The following TACR3 variants were observed in gnomAD, a reference collection of about 807,000 sequenced individuals.
The protein encoded by TACR3 is tachykinin receptor 3, also known as neuromedin-K receptor.
Under a neutral mutation model 35.0 loss-of-function variants are expected in TACR3, and 34 were observed. That is an observed-to-expected ratio of 0.97 (90% confidence interval 0.74 to 1.30). TACR3 has a LOEUF of 1.30. Ranked by LOEUF, TACR3 falls within the 50% of genes most tolerant of loss-of-function variation. The pLI is 0.00. For missense variants in TACR3, 558 were observed against 591.7 expected, an observed-to-expected ratio of 0.94 and a Z score of 0.59; for synonymous variants, 233 against 221.1, an observed-to-expected ratio of 1.05 and a Z score of -0.48.
chr4:103,700,385 A>G (rs1722622770), intron 1 of TACR3, among the ~76,000 whole-genome samples: 1 of 152,166 alleles, frequency 6.6e-6, no homozygotes, highest in South Asian at 2.1e-4. Context: ...ATAATTTTAA[A>G]TAGTCTTGAT....
intron 1 of TACR3, among the ~76,000 whole-genome samples, chr4:103,712,905 C>G (rs2110232188): frequency 6.6e-6 from 1 of 152,274 alleles, no homozygotes; most frequent in African/African-American, 2.4e-5. Flanking sequence ...CAGAGAAATG[C>G]AAATCAAAAC....
At chr4:103,627,045 G>A (rs894934894) in intron 3 of TACR3, among the ~76,000 whole-genome samples, 2 of 151,020 alleles carry the variant, frequency 1.3e-5, no homozygotes, top group Non-Finnish European at 3.0e-5. Context: ...AGCTGGGCGT[G>A]GTGGCAGGCA....
At chr4:103,605,086 CT>C (rs368066887) in intron 3 of TACR3, among the ~76,000 whole-genome samples, 4,411 of 148,918 alleles carry the variant, frequency 0.03, 195 homozygotes, top group African/African-American at 0.1. Context: ...TGGTGTTTGG[CT>C]TTTTTTTGCG....
Position 103,600,843 on chromosome 4 carries a change from G to C in TACR3, c.889-9160C>G, listed in dbSNP as rs1006772092. On this transcript the variant is annotated intron_variant, in intron 3 of 4. Transcript: ENST00000304883. ...TGAGAGACAGTTTGTTATAATTTCT[G>C]TTCTTTTACATTTGCTGAGGAGTGC... Among the ~76,000 whole-genome samples, 4 of 152,200 alleles carry C rather than the reference G, an allele frequency of 2.6e-5. No individual in the cohort carries two copies. The East Asian group carries it at 7.7e-4, about 29-fold the overall frequency.
At chr4:103,712,588 C>A (rs985202330) in intron 1 of TACR3, among the ~76,000 whole-genome samples, 2 of 152,082 alleles carry the variant, frequency 1.3e-5, no homozygotes, top group African/African-American at 4.8e-5. Context: ...ACTAAAACAC[C>A]AAAGGCAATG....
At chr4:103,652,970 AG>A (rs977300733) in intron 3 of TACR3, among the ~76,000 whole-genome samples, 2 of 152,116 alleles carry the variant, frequency 1.3e-5, no homozygotes, top group Non-Finnish European at 2.9e-5. Context: ...AATTAAGAGA[AG>A]GGCCAGCTAT....
chr4:103,623,687 C>T (rs1442312472), intron 3 of TACR3, among the ~76,000 whole-genome samples: 1 of 152,088 alleles, frequency 6.6e-6, no homozygotes, highest in Non-Finnish European at 1.5e-5. Context: ...TAGGGTCTCC[C>T]ATTCAATGTA....
intron 1 of TACR3, among the ~76,000 whole-genome samples, chr4:103,697,453 C>T (rs1722546278): frequency 6.7e-6 from 1 of 150,180 alleles, no homozygotes; most frequent in Admixed American, 6.7e-5. Flanking sequence ...GAGACGGAGT[C>T]TCCTTCTGTT....
At position 103,635,946 on chromosome 4, in the gene TACR3, T is replaced by TAACA. The variant is rs1400925095; in HGVS notation, c.888+20244_888+20247dup. Among the ~76,000 whole-genome samples the TAACA allele has an allele frequency of 7.4e-4, 113 of 152,036 alleles. 2 individuals are homozygous for TAACA. The highest frequency in any genetic ancestry group is 1.6e-4 in the Non-Finnish European group (11 of 67,928). On this transcript the variant is annotated intron_variant, in intron 3 of 4. Coordinates refer to ENST00000304883, the MANE Select transcript of TACR3 (RefSeq NM_001059.3). ...TGCTTTGTATCATCACTCTCCTTTC[T>TAACA]AACACAGTCTCTCTCTCTTTCTCCC...
At chr4:103,679,687 A>T (rs2110208096) in intron 1 of TACR3, among the ~76,000 whole-genome samples, 1 of 152,056 alleles carries the variant, frequency 6.6e-6, no homozygotes, top group Middle Eastern at 3.4e-3. Flanking sequence ...AACTCCCTTT[A>T]AAGTTTTAGT....
At chr4:103,646,443 T>G (rs1725456028) in intron 3 of TACR3, among the ~76,000 whole-genome samples, 1 of 152,028 alleles carries the variant, frequency 6.6e-6, no homozygotes, top group Non-Finnish European at 1.5e-5. Flanking sequence ...TTATTCTTAT[T>G]GATGCATTTT....
At position 103,593,997 on chromosome 4, in the gene TACR3, A is replaced by G. The variant is rs1296849884; in HGVS notation, c.889-2314T>C. 2.6e-5 allele frequency among the ~76,000 whole-genome samples: 4 copies of G among 152,200 alleles called. No individual in the cohort carries two copies. The East Asian group carries it at 7.7e-4, about 29-fold the overall frequency. On this transcript the variant is annotated intron_variant, in intron 3 of 4. Transcript: ENST00000304883. Reference sequence around the variant, plus strand: ...TTTAAATGAACAGGTGAAAGTGACTATAAAACAAAAGAAACTGAAAGACGC... The same window carrying G: ...TTTAAATGAACAGGTGAAAGTGACTGTAAAACAAAAGAAACTGAAAGACGC...
intron 1 of TACR3, among the ~76,000 whole-genome samples, chr4:103,716,215 T>TTGTG (rs56790385): frequency 0.024 from 3,507 of 143,280 alleles, 123 homozygotes; most frequent in East Asian, 0.17. Flanking sequence ...TAATTTTATC[T>TTGTG]TGTGTGTGTG....
chr4:103,712,675 G>T (rs187232546), intron 1 of TACR3, among the ~76,000 whole-genome samples: 31 of 152,278 alleles, frequency 2.0e-4, no homozygotes, highest in Middle Eastern at 3.4e-3. Context: ...ACTACCATCA[G>T]AGTGAACAGG....
At chr4:103,681,687 T>A (rs921434899) in intron 1 of TACR3, among the ~76,000 whole-genome samples, 1 of 152,060 alleles carries the variant, frequency 6.6e-6, no homozygotes, top group African/African-American at 2.4e-5. Context: ...ATAATCTTTT[T>A]AGAACTTATA....
At chr4:103,604,653 T>A (rs1275748257) in intron 3 of TACR3, among the ~76,000 whole-genome samples, 3 of 151,922 alleles carry the variant, frequency 2.0e-5, no homozygotes, top group Non-Finnish European at 4.4e-5. Context: ...GACAAAGGGC[T>A]AATATCCAGA....
chr4:103,699,891 G>T (rs1405678281), intron 1 of TACR3, among the ~76,000 whole-genome samples: 5 of 152,092 alleles, frequency 3.3e-5, no homozygotes, highest in Non-Finnish European at 4.4e-5. Flanking sequence ...ATGTTGAGGA[G>T]GCTGTCGTAT....
At chr4:103,649,061 C>A (rs1466135018) in intron 3 of TACR3, among the ~76,000 whole-genome samples, 1 of 151,914 alleles carries the variant, frequency 6.6e-6, no homozygotes, top group Non-Finnish European at 1.5e-5. Flanking sequence ...CTTTTTTATG[C>A]TTGTTGGCCA....
At chr4:103,593,957 G>A (rs574195493) in intron 3 of TACR3, among the ~76,000 whole-genome samples, 1 of 151,808 alleles carries the variant, frequency 6.6e-6, no homozygotes, top group South Asian at 2.1e-4. Context: ...ATACATAAAG[G>A]GTACTCAGAA....
Sources: allele counts gnomAD v4.1 joint callset (sites outside exome capture counted in the v4.1 genomes callset), GRCh38; gene constraint gnomAD v4.1.1; transcripts MANE v1.5; gene names NCBI Gene and HGNC (gene_info 2026-07-23, HGNC 2026-07-21).